The following PRUNE2 variants were observed in gnomAD, a reference collection of about 807,000 sequenced individuals.
The protein encoded by PRUNE2 is prune homolog 2 with BCH domain.
PRUNE2 carries 164 observed loss-of-function variants against 252.0 expected under a neutral mutation model. The ratio of observed to expected loss-of-function variants is 0.65; its 90% CI spans 0.57 to 0.74. The LOEUF is 0.74. PRUNE2 is among the 30% of genes least tolerant of loss of function. PRUNE2 has a pLI of 0.00. For synonymous variants in PRUNE2, 1,292 were observed against 1,350.2 expected (o/e 0.96, Z 0.94); for missense variants, 3,495 against 3,711.0 (o/e 0.94, Z 1.51).
At chr9:76,758,783 G>A (rs2051408684) in intron 6 of PRUNE2, 1 of 151,992 alleles carries the variant, frequency 6.6e-6, no homozygotes, top group South Asian at 2.1e-4. Flanking sequence ...GGATAAGAAG[G>A]CTGAAACCAC....
At chr9:76,634,917 C>T (rs1402193866) in intron 15 of PRUNE2, among the ~76,000 whole-genome samples, 1 of 152,150 alleles carries the variant, frequency 6.6e-6, no homozygotes, top group East Asian at 1.9e-4. Flanking sequence ...CTAGTTACAA[C>T]ATTTCCTGAA....
At chr9:76,835,112 A>T (rs183221850) in intron 4 of PRUNE2, among the ~76,000 whole-genome samples, 140 of 152,364 alleles carry the variant, frequency 9.2e-4, no homozygotes, top group African/African-American at 3.3e-3. Flanking sequence ...ATTAGAAAAG[A>T]AAGCAAACAC....
At chr9:76,673,025 C>G (rs2041823272) in intron 9 of PRUNE2, among the ~76,000 whole-genome samples, 1 of 151,000 alleles carries the variant, frequency 6.6e-6, no homozygotes, top group African/African-American at 2.4e-5. Flanking sequence ...CATTCAAAAG[C>G]TAGCAGAAGG....
In PRUNE2 at chr9:76,708,091, C is replaced by G. The variant is rs758801469; in HGVS notation, c.4183G>C (p.Glu1395Gln). 2.5e-6 allele frequency: 4 copies of G among 1,613,956 alleles called. No homozygotes were observed. Among genetic ancestry groups the G allele is most frequent in the Middle Eastern group, 1.6e-4 (1 of 6,062 alleles). ...TACTCTAAAACTTCCTCTGGTTCCT[C>G]GGTTTGAGGACTGAAAGTGACAGCA... Reference protein sequence around the residue: ...SLAVTFSPQTEEPEEVLEYEE... With the variant: ...SLAVTFSPQTQEPEEVLEYEE... The change falls in exon 8 of 19, where the codon GAG becomes CAG. Residue 1395 changes from glutamate (E) to glutamine (Q), a missense_variant. Transcript: ENST00000376718.
chr9:76,640,504 T>TGTAA (rs1289195546), intron 12 of PRUNE2, among the ~76,000 whole-genome samples: 2 of 152,232 alleles, frequency 1.3e-5, no homozygotes, highest in African/African-American at 2.4e-5. Context: ...ATGCTACCTA[T>TGTAA]GTAAGTATTC....
At position 76,792,556 on chromosome 9, in the gene PRUNE2, G is replaced by A. The variant is rs749971426; in HGVS notation, c.756+31076C>T. Among the ~76,000 whole-genome samples the A allele has an allele frequency of 2.6e-5, 4 of 152,040 alleles. 1 individual carries two copies. Among genetic ancestry groups the A allele is most frequent in the South Asian group, 2.1e-4 (1 of 4,826 alleles). On this transcript the variant is annotated intron_variant, in intron 6 of 18. Transcript: ENST00000376718. ...ATTGTTAGGCAGAGAGAAATAGGCC[G>A]GGTCATCAGGATGCAACATTCTCAT...
chr9:76,696,550 C>A (rs960832878), intron 9 of PRUNE2, among the ~76,000 whole-genome samples: 39 of 152,116 alleles, frequency 2.6e-4, no homozygotes, highest in African/African-American at 7.5e-4. Context: ...CTCAGTCTCC[C>A]GAGTAGCTGG....
At chr9:76,654,117 CAAACA>C (rs907199752) in intron 10 of PRUNE2, among the ~76,000 whole-genome samples, 2 of 152,032 alleles carry the variant, frequency 1.3e-5, no homozygotes, top group Non-Finnish European at 2.9e-5. Context: ...TGGTGTGTGG[CAAACA>C]AAACAAAACA....
At chr9:76,788,256 C>G (rs2131345293) in intron 6 of PRUNE2, 1 of 550,910 alleles carries the variant, frequency 1.8e-6, no homozygotes, top group East Asian at 3.0e-5. Flanking sequence ...ATCAAGCAAC[C>G]ATCAGATGTT....
intron 6 of PRUNE2, among the ~76,000 whole-genome samples, chr9:76,803,345 G>A (rs943502621): frequency 2.0e-5 from 3 of 152,120 alleles, no homozygotes; most frequent in Non-Finnish European, 4.4e-5. Context: ...TCCTTATCTT[G>A]GAGGAAGCAG....
At chr9:76,864,445 A>C (rs530971892) in intron 1 of PRUNE2, among the ~76,000 whole-genome samples, 1 of 148,532 alleles carries the variant, frequency 6.7e-6, no homozygotes, top group East Asian at 1.9e-4. Context: ...CCTGGATCCT[A>C]AAGAAATACA....
rs200938643 is a variant in PRUNE2, at chr9:76,746,371, G to GA, written c.757-32651dup. ...CTTGAATTAATCATCAATTGCCAAA[G>GA]ATGTAATCAGTCATGCCTATGTAAT... On this transcript the variant is annotated intron_variant, in intron 6 of 18. Coordinates refer to ENST00000376718, the MANE Select transcript of PRUNE2 (RefSeq NM_015225.3). Among the ~76,000 whole-genome samples the GA allele has an allele frequency of 2.0e-3, 302 of 152,274 alleles. 1 individual carries two copies. Among genetic ancestry groups the GA allele is most frequent in the African/African-American group, 7.0e-3 (290 of 41,562 alleles).
chr9:76,893,094 G>A (rs1212802322), intron 1 of PRUNE2, among the ~76,000 whole-genome samples: 1 of 152,098 alleles, frequency 6.6e-6, no homozygotes, highest in African/African-American at 2.4e-5. Context: ...AAAACAAAAC[G>A]TTAGCCAAGG....
chr9:76,843,046 A>G (rs1338046380), intron 4 of PRUNE2, among the ~76,000 whole-genome samples: 1 of 152,210 alleles, frequency 6.6e-6, no homozygotes, highest in Non-Finnish European at 1.5e-5. Context: ...TTGCCGCACT[A>G]TTCACAAAGA....
At position 76,710,661 on chromosome 9, in the gene PRUNE2, C is replaced by T. The variant is rs941848928; in HGVS notation, c.1613G>A (p.Gly538Glu). 2 of 1,612,232 alleles carry T rather than the reference C, an allele frequency of 1.2e-6. No individual in the cohort carries two copies. The highest frequency in any genetic ancestry group is 1.7e-5 in the Admixed American group (1 of 59,824). ...CATGTTGGTTCCCATGCCATCAAGTCCTTCAGGCCCAGCGGGGAGCTGTCC... is the reference window on the plus strand; with the variant it reads ...CATGTTGGTTCCCATGCCATCAAGTTCTTCAGGCCCAGCGGGGAGCTGTCC... ...SEGQLPAGPE[G>E]LDGMGTNMSN... The change falls in exon 8 of 19, where the codon GGA (glycine) becomes GAA (glutamate). Residue 538 changes from glycine (G) to glutamate (E), a missense_variant. Coordinates refer to ENST00000376718, the MANE Select transcript of PRUNE2 (RefSeq NM_015225.3).
At chr9:76,791,251 T>G (rs555889360) in intron 6 of PRUNE2, among the ~76,000 whole-genome samples, 18 of 150,038 alleles carry the variant, frequency 1.2e-4, no homozygotes, top group African/African-American at 4.4e-4. Flanking sequence ...CTGCACCAAT[T>G]ATCATTGGTA....
In PRUNE2 at chr9:76,821,830, C is replaced by T. The variant is rs190234869; in HGVS notation, c.756+1802G>A. ...ACATCTGACAAAGCCATTTGCATACCCCTATAATATAAATTGAGGTACATT... is the reference window on the plus strand; with the variant it reads ...ACATCTGACAAAGCCATTTGCATACTCCTATAATATAAATTGAGGTACATT... On this transcript the variant is annotated intron_variant, in intron 6 of 18. Transcript: ENST00000376718. Among the ~76,000 whole-genome samples, 413 of 152,118 alleles carry T rather than the reference C, an allele frequency of 2.7e-3. 1 individual carries two copies. Among genetic ancestry groups the T allele is most frequent in the Non-Finnish European group, 2.9e-3 (199 of 67,994 alleles).
intron 6 of PRUNE2, among the ~76,000 whole-genome samples, chr9:76,721,866 A>T (rs1158239611): frequency 6.6e-6 from 1 of 152,238 alleles, no homozygotes; most frequent in East Asian, 1.9e-4. Context: ...TGATTTATGC[A>T]ACCAAAATTC....
chr9:76,774,453 T>TTTTTATTTATTTATTTATTTATTTA (rs1554761597), intron 6 of PRUNE2, among the ~76,000 whole-genome samples: 21 of 122,218 alleles, frequency 1.7e-4, no homozygotes, highest in South Asian at 2.9e-4. Flanking sequence ...TTCAACCCTT[T>TTTTTATTTATTTATTTATTTATTTA]TTTTTTTTTT....
Sources: gnomAD v4.1 joint callset for allele counts (sites outside exome capture counted in the v4.1 genomes callset) on GRCh38, gnomAD v4.1.1 for gene constraint, MANE v1.5 for transcripts, NCBI Gene and HGNC (gene_info 2026-07-23, HGNC 2026-07-21) for gene names.